SRGAP1: variants seen among roughly 807,000 people sequenced by gnomAD.
The protein encoded by SRGAP1 is SLIT-ROBO Rho GTPase activating protein 1, also known as SLIT-ROBO Rho GTPase-activating protein 1.
A neutral mutation model predicts 121.9 loss-of-function variants in SRGAP1; 43 were observed. The ratio of observed to expected loss-of-function variants is 0.35; its 90% CI spans 0.28 to 0.46. SRGAP1 has a LOEUF of 0.46. Among genes scored for constraint, SRGAP1 ranks in the 20% least tolerant of loss-of-function variants. The probability of loss-of-function intolerance (pLI) is 1.00; values close to 1 mark genes in which losing one functional copy is unlikely to be tolerated. For synonymous variants in SRGAP1, 447 were observed against 485.4 expected (o/e 0.92, Z 1.04); for missense variants, 1,102 against 1,350.9 (o/e 0.82, Z 2.89).
intron 3 of SRGAP1, among the ~76,000 whole-genome samples, chr12:64,015,925 A>G (rs1035880914): frequency 3.9e-5 from 6 of 152,128 alleles, no homozygotes; most frequent in African/African-American, 7.2e-5. Flanking sequence ...GGTCATTTGG[A>G]TATATGATTT....
chr12:63,990,563 T>A (rs924256568), intron 3 of SRGAP1, among the ~76,000 whole-genome samples: 1 of 152,084 alleles, frequency 6.6e-6, no homozygotes, highest in African/African-American at 2.4e-5. Flanking sequence ...AAAAATTAGA[T>A]GAATTAATCT....
rs139507853 is a variant in SRGAP1 at position 64,079,916 on chromosome 12, T to C, written c.1324-370T>C. ...TCAAAGTGGCTGGATTTTAGATCTATGAAAAGTTCCTTGACATTGAATAAT... is the reference window on the plus strand; with the variant it reads ...TCAAAGTGGCTGGATTTTAGATCTACGAAAAGTTCCTTGACATTGAATAAT... On this transcript the variant is annotated intron_variant, in intron 9 of 21. Coordinates refer to ENST00000355086, the MANE Select transcript of SRGAP1 (RefSeq NM_020762.4). Among the ~76,000 whole-genome samples, 653 of 152,264 alleles carry C rather than the reference T, an allele frequency of 4.3e-3. 4 individuals are homozygous for C. Among genetic ancestry groups the C allele is most frequent in the Non-Finnish European group, 7.3e-3 (497 of 68,024 alleles).
chr12:63,876,928 A>G (rs528546729), intron 1 of SRGAP1, among the ~76,000 whole-genome samples: 35 of 152,326 alleles, frequency 2.3e-4, no homozygotes, highest in African/African-American at 8.2e-4. Context: ...ATAATATTGA[A>G]GTTGAAAATG....
In SRGAP1 at chr12:63,973,729, A is replaced by G. The variant is rs576512222; in HGVS notation, c.68-10218A>G. On this transcript the variant is annotated intron_variant, in intron 1 of 21. Transcript: ENST00000355086. ...ACTCAGTACTCAGTGCAAAAGATTT[A>G]AACTAGTTTAAAAGTTTTTCATTTT... Among the ~76,000 whole-genome samples the G allele has an allele frequency of 1.4e-4, 21 of 152,356 alleles. No individual in the cohort carries two copies. In the East Asian group the frequency reaches 4.0e-3, roughly 29 times the overall value.
chr12:64,090,302 A>T (rs2036026471), intron 11 of SRGAP1, among the ~76,000 whole-genome samples: 1 of 152,256 alleles, frequency 6.6e-6, no homozygotes, highest in African/African-American at 2.4e-5. Context: ...ACCAGAGCAA[A>T]TGGGCAGACT....
chr12:64,007,467 C>G (rs532821796), intron 3 of SRGAP1, among the ~76,000 whole-genome samples: 1 of 152,044 alleles, frequency 6.6e-6, no homozygotes, highest in Non-Finnish European at 1.5e-5. Flanking sequence ...TGGTGGCTCA[C>G]CCACCGCTCA....
chr12:64,042,725 G>A, intron 4 of SRGAP1, 65 bp from the exon 5 acceptor site: 1 of 1,303,052 alleles, frequency 7.7e-7, no homozygotes, highest in Non-Finnish European at 1.1e-6. Flanking sequence ...TCGTATAAAT[G>A]GTTCCCATTC....
chr12:63,883,349 T>A (rs572701921), intron 1 of SRGAP1, among the ~76,000 whole-genome samples: 1 of 152,192 alleles, frequency 6.6e-6, no homozygotes, highest in African/African-American at 2.4e-5. Flanking sequence ...AAAGGTGATT[T>A]ACCTAGGTAA....
intron 21 of SRGAP1, among the ~76,000 whole-genome samples, chr12:64,132,179 G>A (rs2036795367): frequency 6.6e-6 from 1 of 152,154 alleles, no homozygotes; most frequent in Non-Finnish European, 1.5e-5. Flanking sequence ...ATCTCAAAAA[G>A]AAAAGGAGAG....
intron 1 of SRGAP1, among the ~76,000 whole-genome samples, chr12:63,929,430 T>TC (rs2031379808): frequency 6.6e-6 from 1 of 152,220 alleles, no homozygotes; most frequent in South Asian, 2.1e-4. Context: ...TGACAGCACC[T>TC]CAGTGCTCCT....
chr12:64,151,573 C>T lies in SRGAP1; in HGVS notation c.*8901C>T, dbSNP rs562269086. Reference sequence around the variant, plus strand: ...TAAGGCTCATGACAAATATTGCCGACCTGTTTTCCAGCAAAGTTGTACAAA... The same window carrying T: ...TAAGGCTCATGACAAATATTGCCGATCTGTTTTCCAGCAAAGTTGTACAAA... On this transcript the variant is annotated 3_prime_UTR_variant, in exon 22 of 22. Coordinates refer to ENST00000355086, the MANE Select transcript of SRGAP1 (RefSeq NM_020762.4). 2 of 152,234 alleles carry T rather than the reference C, an allele frequency of 1.3e-5. No homozygotes were observed. The highest frequency in any genetic ancestry group is 6.5e-5 in the Admixed American group (1 of 15,296). 9.4% of individuals were successfully genotyped at this position (152,234 alleles called of 1,614,324 possible).
intron 3 of SRGAP1, among the ~76,000 whole-genome samples, chr12:64,008,843 T>C (rs2034165656): frequency 1.3e-5 from 2 of 152,172 alleles, no homozygotes; most frequent in Admixed American, 1.3e-4. Context: ...TTGATTTGCT[T>C]AGTCCCTAGG....
chr12:63,874,342 T>C (rs1899959018), intron 1 of SRGAP1, among the ~76,000 whole-genome samples: 1 of 152,058 alleles, frequency 6.6e-6, no homozygotes, highest in Non-Finnish European at 1.5e-5. Context: ...TAGCTGGGAC[T>C]ACAGGTGCCT....
At chr12:63,979,516 A>C (rs2033190313) in intron 1 of SRGAP1, among the ~76,000 whole-genome samples, 1 of 150,546 alleles carries the variant, frequency 6.6e-6, no homozygotes, top group African/African-American at 2.4e-5. Context: ...CTTACCCTTC[A>C]ATGCATTATG....
intron 19 of SRGAP1, 57 bp from the exon 20 acceptor site, chr12:64,127,533 A>G: frequency 1.3e-6 from 2 of 1,534,288 alleles, no homozygotes; most frequent in South Asian, 1.2e-5. Flanking sequence ...CATCTAGCAA[A>G]TTTTGTAAAA....
chr12:63,997,895 C>A (rs2033758803), intron 3 of SRGAP1, among the ~76,000 whole-genome samples: 1 of 152,104 alleles, frequency 6.6e-6, no homozygotes, highest in Non-Finnish European at 1.5e-5. Flanking sequence ...GCTCCAACCA[C>A]CTTACTTCCC....
chr12:63,868,056 A>ATATATTTTTTTGTTTTTTTTTTTT (rs1565927621), intron 1 of SRGAP1, among the ~76,000 whole-genome samples: 1 of 57,844 alleles, frequency 1.7e-5, no homozygotes, highest in Non-Finnish European at 3.2e-5. Flanking sequence ...ATATATATAT[A>ATATATTTTTTTGTTTTTTTTTTTT]TTTTTTTTTT....
At chr12:63,970,475 A>T (rs770631125) in intron 1 of SRGAP1, among the ~76,000 whole-genome samples, 1 of 152,212 alleles carries the variant, frequency 6.6e-6, no homozygotes, top group African/African-American at 2.4e-5. Context: ...CATTTTCATC[A>T]TAGTATTTCT....
chr12:64,147,911 C>G lies in SRGAP1; in HGVS notation c.*5239C>G, dbSNP rs1377352121. On this transcript the variant is annotated 3_prime_UTR_variant, in exon 22 of 22. Coordinates refer to ENST00000355086, the MANE Select transcript of SRGAP1 (RefSeq NM_020762.4). The stretch of plus-strand genomic sequence containing the variant: ...TTCCTTTCATTCATCACTACTTTCT[C>G]CTTGACAGCTAGCTTGCATTAAATA... 2.6e-6 allele frequency: 1 copy of G among 378,644 alleles called. No homozygotes were observed. Among genetic ancestry groups the G allele is most frequent in the Non-Finnish European group, 4.7e-6 (1 of 214,450 alleles). 23.5% of individuals were successfully genotyped at this position (378,644 alleles called of 1,614,324 possible). A position where few individuals can be genotyped will look rare whatever the true frequency, so the allele number is the denominator to read the frequency against.
Sources: gnomAD v4.1 joint callset for allele counts (sites outside exome capture counted in the v4.1 genomes callset) on GRCh38, gnomAD v4.1.1 for gene constraint, MANE v1.5 for transcripts, NCBI Gene and HGNC (gene_info 2026-07-23, HGNC 2026-07-21) for gene names.